Variants in KIRREL3 observed in about 807,000 individuals in gnomAD.
KIRREL3 encodes kin of IRRE-like protein 3.
In KIRREL3, 36 loss-of-function variants were observed where a neutral mutation model predicts 89.7. The ratio of observed to expected loss-of-function variants is 0.40; its 90% CI spans 0.31 to 0.53. KIRREL3 has a LOEUF of 0.53. KIRREL3 is among the 20% of genes least tolerant of loss of function. KIRREL3 has a pLI of 0.49. For missense variants in KIRREL3, 864 were observed against 1,056.6 expected (o/e 0.82, Z 2.53); for synonymous variants, 445 against 441.4 (o/e 1.01, Z -0.10).
chr11:126,435,884 C>A (rs746120240), intron 12 of KIRREL3, among the ~76,000 whole-genome samples: 20 of 151,920 alleles, frequency 1.3e-4, no homozygotes, highest in Non-Finnish European at 2.8e-4. Flanking sequence ...GCCTCCTGGG[C>A]CTCAGAGGCC....
intron 1 of KIRREL3, among the ~76,000 whole-genome samples, chr11:126,701,264 C>T (rs1947302815): frequency 6.6e-6 from 1 of 152,102 alleles, no homozygotes. Context: ...CCTGGGTATG[C>T]CAATGTTACA....
chr11:126,968,752 G>T (rs2135205843), intron 1 of KIRREL3, among the ~76,000 whole-genome samples: 1 of 152,270 alleles, frequency 6.6e-6, no homozygotes, highest in South Asian at 2.1e-4. Context: ...AATCCCAGGT[G>T]CAGGCTCTGT....
intron 1 of KIRREL3, among the ~76,000 whole-genome samples, chr11:126,733,316 C>T (rs921075943): frequency 2.6e-5 from 4 of 152,152 alleles, no homozygotes; most frequent in Non-Finnish European, 4.4e-5. Context: ...GACCCCTCTC[C>T]GAATGGCTTC....
intron 1 of KIRREL3, among the ~76,000 whole-genome samples, chr11:126,702,356 A>T (rs776683266): frequency 2.6e-5 from 4 of 152,214 alleles, no homozygotes; most frequent in African/African-American, 4.8e-5. Context: ...CCACAAATCT[A>T]TGACATCATG....
intron 1 of KIRREL3, among the ~76,000 whole-genome samples, chr11:126,787,936 G>A (rs1410942367): frequency 6.6e-6 from 1 of 152,130 alleles, no homozygotes; most frequent in South Asian, 2.1e-4. Flanking sequence ...TATGTGCCAG[G>A]CACTCTTCTA....
intron 1 of KIRREL3, among the ~76,000 whole-genome samples, chr11:126,743,723 T>C (rs989422377): frequency 6.6e-6 from 1 of 152,228 alleles, no homozygotes; most frequent in African/African-American, 2.4e-5. Context: ...GGGGATATGA[T>C]TACGGTGCCT....
rs1489149978 is a variant in KIRREL3 at position 126,931,574 on chromosome 11, GA to G, written c.55+68880del. ...AGCCCTCTTGGCTAGTCATTCTAGA[GA>G]ATGAAGCTGTTTTATGTCCAAATCT... On this transcript the variant is annotated intron_variant, in intron 1 of 16. Transcript: ENST00000525144. This position sits in a 1 kb window ranked among gnomAD's most constrained non-coding sequence, Gnocchi z 5.1. 6.6e-6 allele frequency among the ~76,000 whole-genome samples: 1 copy of G among 152,212 alleles called. No individual in the cohort carries two copies. The highest frequency in any genetic ancestry group is 1.5e-5 in the Non-Finnish European group (1 of 68,034).
rs112166451 is a variant in KIRREL3 at position 126,931,988 on chromosome 11, A to G, written c.55+68467T>C. 1.4e-4 allele frequency among the ~76,000 whole-genome samples: 21 copies of G among 152,354 alleles called. No individual in the cohort carries two copies. Among genetic ancestry groups the G allele is most frequent in the African/African-American group, 4.8e-4 (20 of 41,582 alleles). The stretch of plus-strand genomic sequence containing the variant: ...AGCAGACAGCAAGAAAAGAAGAGAA[A>G]GAATAAGAATGTATCAAGGAGGCTT... On this transcript the variant is annotated intron_variant, in intron 1 of 16. Coordinates refer to ENST00000525144, the MANE Select transcript of KIRREL3 (RefSeq NM_032531.4). The surrounding 1 kb of genome is among the most constrained non-coding windows in gnomAD (Gnocchi z 5.1).
rs1215148182 is a variant in KIRREL3, at chr11:126,427,893, G to A, written c.1806+1286C>T. ...TGAGGCCTGAAGTAAAGAAGTGATGGTGGAGGACAGGTGGGGCACACATTT... is the reference window on the plus strand; with the variant it reads ...TGAGGCCTGAAGTAAAGAAGTGATGATGGAGGACAGGTGGGGCACACATTT... On this transcript the variant is annotated intron_variant, in intron 15 of 16. Coordinates refer to ENST00000525144, the MANE Select transcript of KIRREL3 (RefSeq NM_032531.4). The surrounding 1 kb of genome is among the most constrained non-coding windows in gnomAD (Gnocchi z 5.3). 6.6e-6 allele frequency among the ~76,000 whole-genome samples: 1 copy of A among 152,200 alleles called. No homozygotes were observed. Among genetic ancestry groups the A allele is most frequent in the Non-Finnish European group, 1.5e-5 (1 of 68,036 alleles).
intron 4 of KIRREL3, among the ~76,000 whole-genome samples, chr11:126,505,341 C>T (rs895062006): frequency 6.6e-5 from 10 of 152,108 alleles, no homozygotes; most frequent in African/African-American, 1.9e-4. Context: ...AGGCTGAGGC[C>T]GGTGGATCAC....
At chr11:126,838,361 A>C (rs1943847626) in intron 1 of KIRREL3, among the ~76,000 whole-genome samples, 1 of 152,122 alleles carries the variant, frequency 6.6e-6, no homozygotes, top group Non-Finnish European at 1.5e-5. Context: ...GGCTCAAATC[A>C]CTCTAGGGCC....
chr11:126,844,274 T>C lies in KIRREL3; in HGVS notation c.55+156181A>G, dbSNP rs973829284. Among the ~76,000 whole-genome samples, 1 of 151,994 alleles carries C rather than the reference T, an allele frequency of 6.6e-6. No homozygotes were observed. Among genetic ancestry groups the C allele is most frequent in the African/African-American group, 2.4e-5 (1 of 41,376 alleles). On this transcript the variant is annotated intron_variant, in intron 1 of 16. Transcript: ENST00000525144. This position sits in a 1 kb window ranked among gnomAD's most constrained non-coding sequence, Gnocchi z 4.8. ...AAAACCCCGACCCAAATGCTAACTT[T>C]GGGTAAGTGGTGGGGTCCGGTGACA...
At chr11:126,756,718 A>T (rs1946083) in intron 1 of KIRREL3, among the ~76,000 whole-genome samples, 127,381 of 152,256 alleles carry the variant, frequency 0.84, 53,430 homozygotes, top group East Asian at 1. Context: ...TGGGTCAAGC[A>T]GACATCTGCT....
rs1271489230 is a variant in KIRREL3 at position 126,424,422 on chromosome 11, T to C, written c.*158A>G. 3.0e-6 allele frequency: 2 copies of C among 667,272 alleles called. No individual in the cohort carries two copies. The highest frequency in any genetic ancestry group is 5.1e-6 in the Non-Finnish European group (2 of 395,004). The allele number at this position is 667,272 out of a possible 1,614,324, so 41.3% of individuals were successfully genotyped here. Reference sequence around the variant, plus strand: ...GCACCTGGGGACCCAGATTTGTGCTTGATCAGAGCTTCGAAGGAAGGCAGT... The same window carrying C: ...GCACCTGGGGACCCAGATTTGTGCTCGATCAGAGCTTCGAAGGAAGGCAGT... On this transcript the variant is annotated 3_prime_UTR_variant, in exon 17 of 17. Transcript: ENST00000525144.
At position 126,748,809 on chromosome 11, in the gene KIRREL3, C is replaced by T. The variant is rs1484680478; in HGVS notation, c.56-185897G>A. On this transcript the variant is annotated intron_variant, in intron 1 of 16. Transcript: ENST00000525144. The surrounding 1 kb of genome is among the most constrained non-coding windows in gnomAD (Gnocchi z 4.6). ...GGATCCTTTTGTAATCTGTAGGCTT[C>T]AGTCTATCCAGTGCCTAGCTACTGT... 3.9e-5 allele frequency among the ~76,000 whole-genome samples: 6 copies of T among 152,302 alleles called. No homozygotes were observed. The highest frequency in any genetic ancestry group is 8.8e-5 in the Non-Finnish European group (6 of 68,032).
chr11:126,886,403 G>A (rs544658625), intron 1 of KIRREL3, among the ~76,000 whole-genome samples: 73 of 152,184 alleles, frequency 4.8e-4, no homozygotes, highest in Non-Finnish European at 9.3e-4. Context: ...TCCTACCAGC[G>A]CTAATAAAAA....
intron 6 of KIRREL3, among the ~76,000 whole-genome samples, chr11:126,458,840 C>T (rs948608922): frequency 1.3e-5 from 2 of 152,224 alleles, no homozygotes; most frequent in African/African-American, 2.4e-5. Context: ...GGAATAGCCA[C>T]GAGAACGCTC....
In KIRREL3 at chr11:126,768,291, C is replaced by T. The variant is rs1243394391; in HGVS notation, c.56-205379G>A. On this transcript the variant is annotated intron_variant, in intron 1 of 16. Transcript: ENST00000525144. The surrounding 1 kb of genome is among the most constrained non-coding windows in gnomAD (Gnocchi z 4.5). Reference sequence around the variant, plus strand: ...CCATCCATCCATTCATCCATCCATCCATCCATCCATCCAATCTGTCCATCT... The same window carrying T: ...CCATCCATCCATTCATCCATCCATCTATCCATCCATCCAATCTGTCCATCT... 6.6e-6 allele frequency among the ~76,000 whole-genome samples: 1 copy of T among 152,054 alleles called. No individual in the cohort carries two copies. Among genetic ancestry groups the T allele is most frequent in the Admixed American group, 6.5e-5 (1 of 15,270 alleles).
At chr11:126,500,505 C>T (rs757369087) in intron 4 of KIRREL3, among the ~76,000 whole-genome samples, 6 of 152,070 alleles carry the variant, frequency 3.9e-5, no homozygotes, top group Non-Finnish European at 7.4e-5. Context: ...TTCGGGAGGC[C>T]GAGGCGAGTG....
Sources: allele counts gnomAD v4.1 joint callset (sites outside exome capture counted in the v4.1 genomes callset), GRCh38; gene constraint gnomAD v4.1.1; non-coding constraint Gnocchi (gnomAD v3.1); transcripts MANE v1.5; gene names NCBI Gene and HGNC (gene_info 2026-07-23, HGNC 2026-07-21).